Variants in PRDX6 observed in about 807,000 individuals in gnomAD.
The protein encoded by PRDX6 is peroxiredoxin-6.
Under a neutral mutation model 20.0 loss-of-function variants are expected in PRDX6, and 13 were observed. The observed-to-expected ratio is 0.65, with a 90% CI of 0.42 to 1.03. The LOEUF (loss-of-function observed/expected upper bound fraction) is 1.03, where lower values mean the gene tolerates loss of function less well. PRDX6 is among the 50% of genes least tolerant of loss of function. PRDX6 has a pLI of 0.00. For synonymous variants in PRDX6, 85 were observed against 100.8 expected, an observed-to-expected ratio of 0.84 and a Z score of 0.94; for missense variants, 203 against 276.9, an observed-to-expected ratio of 0.73 and a Z score of 1.89.
At chr1:173,487,701 A>T in intron 4 of PRDX6, 34 bp from the exon 5 acceptor site, 1 of 1,611,856 alleles carries the variant, frequency 6.2e-7, no homozygotes. Context: ...TCACTATGAG[A>T]TTGAATTTCA....
chr1:173,487,688 GCTTCA>G, intron 4 of PRDX6, 42 bp from the exon 5 acceptor site: 1 of 1,607,294 alleles, frequency 6.2e-7, no homozygotes, highest in Non-Finnish European at 8.5e-7. Context: ...AGGCCTTGAA[GCTTCA>G]CTATGAGATT....
Position 173,477,415 on chromosome 1 carries a change from T to C in PRDX6, c.18T>C (p.Leu6=), listed in dbSNP as rs935632433. Residue 6 remains leucine (L), a synonymous_variant, in exon 1 of 5, where the codon CTT becomes CTC. Transcript: ENST00000340385. The part of the protein sequence containing the change: MPGGL[L]LGDVAPNFEA... Reference sequence around the variant, plus strand: ...CCGTCGCCATGCCCGGAGGTCTGCTTCTCGGGGACGTGGCTCCCAACTTTG... The same window carrying C: ...CCGTCGCCATGCCCGGAGGTCTGCTCCTCGGGGACGTGGCTCCCAACTTTG... 1 of 1,608,604 alleles carries C rather than the reference T, an allele frequency of 6.2e-7. No homozygotes were observed. Among genetic ancestry groups the C allele is most frequent in the African/African-American group, 1.3e-5 (1 of 74,086 alleles).
intron 1 of PRDX6, among the ~76,000 whole-genome samples, chr1:173,478,224 A>G (rs1658738501): frequency 6.6e-6 from 1 of 152,242 alleles, no homozygotes; most frequent in African/African-American, 2.4e-5. Flanking sequence ...CACTCTGCGT[A>G]GGTGTGCCTT....
At chr1:173,477,601 C>G in intron 1 of PRDX6, 109 bp downstream of exon 1, 1 of 911,526 alleles carries the variant, frequency 1.1e-6, no homozygotes, top group Non-Finnish European at 1.7e-6. Context: ...CCCCCTGCGC[C>G]GCCCTCGCCT....
At chr1:173,486,036 G>C (rs910622466) in intron 3 of PRDX6, among the ~76,000 whole-genome samples, 1 of 152,190 alleles carries the variant, frequency 6.6e-6, no homozygotes, top group African/African-American at 2.4e-5. Flanking sequence ...GGGAAAGCCA[G>C]AACCAAATAG....
intron 4 of PRDX6, 150 bp downstream of exon 4, chr1:173,486,551 C>A: frequency 2.6e-6 from 2 of 780,628 alleles, no homozygotes; most frequent in Non-Finnish European, 3.9e-6. Context: ...TGCTGAAAGG[C>A]CCTTTTCAAG....
Position 173,477,509 on chromosome 1 carries a change from T to G in PRDX6, c.95+17T>G. On this transcript the variant is annotated intron_variant, in intron 1 of 4. Transcript: ENST00000340385. ...GGGAGACTCGTAAGTGGCCACCGCG[T>G]AGCCCTGTCCTGGCCTCGGTTGCGC... The G allele has an allele frequency of 6.3e-7, 1 of 1,589,068 alleles. No homozygotes were observed. Among genetic ancestry groups the G allele is most frequent in the Non-Finnish European group, 8.6e-7 (1 of 1,165,462 alleles).
Position 173,487,888 on chromosome 1 carries a change from G to C in PRDX6, c.*25G>C. ...AGTCTCTTGGAGAAGCTGGTGCTGT[G>C]AGCCAGAGGATGTCAGCTGCCAATT... On this transcript the variant is annotated 3_prime_UTR_variant, in exon 5 of 5. Coordinates refer to ENST00000340385, the MANE Select transcript of PRDX6 (RefSeq NM_004905.3). The C allele has an allele frequency of 6.2e-7, 1 of 1,610,300 alleles. No individual in the cohort carries two copies. The highest frequency in any genetic ancestry group is 1.1e-5 in the South Asian group (1 of 90,778).
intron 2 of PRDX6, among the ~76,000 whole-genome samples, chr1:173,482,597 T>C (rs1166474388): frequency 2.6e-5 from 4 of 152,228 alleles, no homozygotes; most frequent in African/African-American, 9.6e-5. Context: ...GACTGCACTG[T>C]GCTGTTAAGT....
At chr1:173,481,289 C>T (rs1658796570) in intron 1 of PRDX6, 37 bp from the exon 2 acceptor site, 2 of 1,588,284 alleles carry the variant, frequency 1.3e-6, no homozygotes, top group Non-Finnish European at 1.7e-6. Context: ...GGTGATAACT[C>T]TTAATTCAAT....
intron 4 of PRDX6, among the ~76,000 whole-genome samples, chr1:173,486,831 T>C (rs1658910241): frequency 6.6e-6 from 1 of 152,250 alleles, no homozygotes; most frequent in Admixed American, 6.5e-5. Context: ...AAACCTGTGC[T>C]AGAATTCTCC....
chr1:173,483,268 A>T (rs530517866), intron 2 of PRDX6, among the ~76,000 whole-genome samples: 2 of 152,366 alleles, frequency 1.3e-5, no homozygotes, highest in South Asian at 2.1e-4. Flanking sequence ...ATAGGAAAAA[A>T]GTCTGAACTA....
At chr1:173,486,526 GC>G in intron 4 of PRDX6, 125 bp downstream of exon 4, 1 of 1,054,064 alleles carries the variant, frequency 9.5e-7, no homozygotes, top group Admixed American at 2.8e-5. Context: ...TTTCCTCATG[GC>G]TGAGTTCAAG....
intron 3 of PRDX6, among the ~76,000 whole-genome samples, 190 bp downstream of exon 3, chr1:173,485,697 A>G (rs1658884081): frequency 6.6e-6 from 1 of 152,180 alleles, no homozygotes; most frequent in Non-Finnish European, 1.5e-5. Flanking sequence ...TGCTTTATTC[A>G]TAGTTCATGG....
chr1:173,479,213 A>C (rs1658761846), intron 1 of PRDX6, among the ~76,000 whole-genome samples: 1 of 152,182 alleles, frequency 6.6e-6, no homozygotes, highest in Non-Finnish European at 1.5e-5. Context: ...ATTTGATCAA[A>C]AGTGGTACTT....
intron 2 of PRDX6, among the ~76,000 whole-genome samples, chr1:173,484,177 TAC>T (rs113530287): frequency 6.5e-4 from 68 of 103,908 alleles, no homozygotes; most frequent in East Asian, 1.9e-3. Context: ...TTTATATATA[TAC>T]ACACACACAC....
At chr1:173,484,116 C>CAAAA (rs1231778337) in intron 2 of PRDX6, among the ~76,000 whole-genome samples, 3 of 50,412 alleles carry the variant, frequency 6.0e-5, no homozygotes, top group Non-Finnish European at 1.1e-4. Flanking sequence ...GACTCTGTCT[C>CAAAA]AAAAAAAAAA....
In PRDX6 at chr1:173,485,417, C is replaced by T. The variant is rs1055487369; in HGVS notation, c.309C>T (p.Ile103=). Residue 103 remains isoleucine (I), a synonymous_variant, in exon 3 of 5, where the codon ATC becomes ATT. Transcript: ENST00000340385. The part of the protein sequence containing the change: ...EPTEKLPFPI[I]DDRNRELAIL... ...CAGAAAAGTTACCTTTTCCCATCAT[C>T]GATGATAGGAATCGGGAGCTTGCCA... The T allele has an allele frequency of 1.8e-5, 29 of 1,609,548 alleles. No homozygotes were observed. The highest frequency in any genetic ancestry group is 5.4e-5 in the African/African-American group (4 of 74,730).
Position 173,487,794 on chromosome 1 carries a change from C to T in PRDX6, c.606C>T (p.Phe202=), listed in dbSNP as rs1361864773. 6.2e-7 allele frequency: 1 copy of T among 1,614,088 alleles called. No individual in the cohort carries two copies. The highest frequency in any genetic ancestry group is 8.5e-7 in the Non-Finnish European group (1 of 1,180,014). ...TIPEEEAKKL[F]PKGVFTKELP... ...CTGAAGAAGAAGCCAAAAAACTTTTCCCGAAAGGAGTCTTCACCAAAGAGC... is the reference window on the plus strand; with the variant it reads ...CTGAAGAAGAAGCCAAAAAACTTTTTCCGAAAGGAGTCTTCACCAAAGAGC... Residue 202 remains phenylalanine (F), a synonymous_variant, in exon 5 of 5, where the codon TTC becomes TTT. Coordinates refer to ENST00000340385, the MANE Select transcript of PRDX6 (RefSeq NM_004905.3).
Sources: allele counts gnomAD v4.1 joint callset (sites outside exome capture counted in the v4.1 genomes callset), GRCh38; gene constraint gnomAD v4.1.1; transcripts MANE v1.5; gene names NCBI Gene and HGNC (gene_info 2026-07-23, HGNC 2026-07-21).